XIRP2: variants seen among roughly 807,000 people sequenced by gnomAD.
The protein encoded by XIRP2 is xin actin binding repeat containing 2.
A neutral mutation model predicts 277.0 loss-of-function variants in XIRP2; 236 were observed. The observed-to-expected ratio is 0.85, with a 90% CI of 0.77 to 0.95. The LOEUF is 0.95. Ranked by LOEUF, XIRP2 falls within the 40% of genes least tolerant of loss-of-function variation. The probability of loss-of-function intolerance (pLI) is 0.00; values close to 1 mark genes in which losing one functional copy is unlikely to be tolerated. For synonymous variants in XIRP2, 1,490 were observed against 1,416.5 expected (o/e 1.05, Z -1.17); for missense variants, 4,640 against 4,157.5 (o/e 1.12, Z -3.19).
chr2:166,943,717 G>A (rs1685782103), intron 2 of XIRP2, among the ~76,000 whole-genome samples: 1 of 152,242 alleles, frequency 6.6e-6, no homozygotes, highest in African/African-American at 2.4e-5. Context: ...TATATGCCCT[G>A]TATGGAAGCA....
intron 2 of XIRP2, among the ~76,000 whole-genome samples, chr2:167,032,275 C>T (rs996376725): frequency 1.3e-5 from 2 of 152,092 alleles, no homozygotes; most frequent in African/African-American, 4.8e-5. Context: ...AACTGGACCC[C>T]TTCCTTACAC....
In XIRP2 at chr2:167,214,226, G is replaced by GAGGGAGGGAGGAAGGAAGGA. The variant is rs1323240476; in HGVS notation, c.723+3334_723+3335insGAGGGAGGAAGGAAGGAAGG. Reference sequence around the variant, plus strand: ...AAAGAGAGGGAGGGAGGGAGGGAGGGAGGAAGGAAGGAAGGAAGGAAGGAA... The same window carrying GAGGGAGGGAGGAAGGAAGGA: ...AAAGAGAGGGAGGGAGGGAGGGAGGGAGGGAGGGAGGAAGGAAGGAAGGAAGGAAGGAAGGAAGGAAGGAA... On this transcript the variant is annotated intron_variant, in intron 4 of 10. Coordinates refer to ENST00000409195, the MANE Select transcript of XIRP2 (RefSeq NM_152381.6). Among the ~76,000 whole-genome samples the GAGGGAGGGAGGAAGGAAGGA allele has an allele frequency of 4.9e-4, 33 of 67,330 alleles. 4 individuals are homozygous for GAGGGAGGGAGGAAGGAAGGA. Among genetic ancestry groups the GAGGGAGGGAGGAAGGAAGGA allele is most frequent in the African/African-American group, 2.5e-3 (25 of 10,086 alleles). The allele number at this position is 67,330 out of a possible 152,430, so 44.2% of individuals were successfully genotyped here. A position where few individuals can be genotyped will look rare whatever the true frequency, so the allele number is the denominator to read the frequency against.
At chr2:166,984,218 T>C (rs537909709) in intron 2 of XIRP2, among the ~76,000 whole-genome samples, 24 of 152,310 alleles carry the variant, frequency 1.6e-4, no homozygotes, top group African/African-American at 5.5e-4. Context: ...ACAGGGAAAT[T>C]ATTCTACCAA....
intron 3 of XIRP2, among the ~76,000 whole-genome samples, chr2:167,163,398 G>A (rs1299421563): frequency 6.6e-6 from 1 of 152,110 alleles, no homozygotes. Context: ...GTTTTAATTA[G>A]CATTTTCCTG....
At chr2:167,151,446 A>G (rs1692013106) in intron 3 of XIRP2, among the ~76,000 whole-genome samples, 1 of 152,150 alleles carries the variant, frequency 6.6e-6, no homozygotes, top group African/African-American at 2.4e-5. Context: ...TTACCCCCAG[A>G]TCTGTTTTCA....
chr2:167,161,875 T>G (rs540886975), intron 3 of XIRP2, among the ~76,000 whole-genome samples: 1 of 152,336 alleles, frequency 6.6e-6, no homozygotes, highest in South Asian at 2.1e-4. Context: ...TATGCTCTGC[T>G]TCCCTTATAA....
chr2:166,951,744 C>T (rs1466250897), intron 2 of XIRP2, among the ~76,000 whole-genome samples: 1 of 152,002 alleles, frequency 6.6e-6, no homozygotes, highest in African/African-American at 2.4e-5. Context: ...AATCTAGCCC[C>T]AACCTAGCTT....
chr2:167,232,807 A>C (rs766841557), intron 5 of XIRP2, among the ~76,000 whole-genome samples: 45 of 151,902 alleles, frequency 3.0e-4, no homozygotes, highest in Non-Finnish European at 5.2e-4. Flanking sequence ...TTCCAAGAAA[A>C]GTGAGCAAAT....
chr2:166,925,622 T>C (rs866096918), intron 2 of XIRP2, among the ~76,000 whole-genome samples: 2 of 133,962 alleles, frequency 1.5e-5, no homozygotes, highest in African/African-American at 2.9e-5. Flanking sequence ...TATATATATA[T>C]ATATACATAT....
chr2:166,903,795 C>A lies in XIRP2; in HGVS notation c.313C>A (p.Arg105Ser), dbSNP rs780403837. The change falls in exon 2 of 11, where the codon CGC becomes AGC. Residue 105 changes from arginine to serine, a missense_variant. Physicochemically the swap from Arg to Ser is moderately radical, Grantham distance 110. Coordinates refer to ENST00000409195, the MANE Select transcript of XIRP2 (RefSeq NM_152381.6). ...VLKEDSLSSRRRIERFSIALD... is the reference protein window; with the variant it reads ...VLKEDSLSSRSRIERFSIALD... ...GAAGGAGGATTCCCTGAGCAGTCGG[C>A]GCAGGATTGAACGCTTTTCCATTGC... The A allele has an allele frequency of 3.1e-6, 5 of 1,613,558 alleles. No homozygotes were observed. Among genetic ancestry groups the A allele is most frequent in the Non-Finnish European group, 4.2e-6 (5 of 1,179,744 alleles).
intron 2 of XIRP2, among the ~76,000 whole-genome samples, chr2:167,082,289 G>A (rs1266566093): frequency 6.6e-6 from 1 of 152,062 alleles, no homozygotes; most frequent in African/African-American, 2.4e-5. Flanking sequence ...CCTTTTTTAT[G>A]GCTGCATAGT....
intron 2 of XIRP2, among the ~76,000 whole-genome samples, chr2:167,027,292 A>T (rs1322237194): frequency 6.6e-6 from 1 of 152,004 alleles, no homozygotes; most frequent in Non-Finnish European, 1.5e-5. Context: ...CCAGTTTATC[A>T]CATCAGCTCC....
chr2:167,251,059 C>G lies in XIRP2; in HGVS notation c.9667C>G (p.Arg3223Gly), dbSNP rs371935411. 1 of 1,613,574 alleles carries G rather than the reference C, an allele frequency of 6.2e-7. No homozygotes were observed. Among genetic ancestry groups the G allele is most frequent in the Admixed American group, 1.7e-5 (1 of 59,964 alleles). ...CATCATGTCTCCTGCAACACTTCGT[C>G]GTCAAATTAAGATAGAAACTCGTGG... ...EIIMSPATLRRQIKIETRGRD... is the reference protein window; with the variant it reads ...EIIMSPATLRGQIKIETRGRD... The change falls in exon 9 of 11, where the codon CGT (arginine) becomes GGT (glycine). Residue 3223 changes from arginine (R) to glycine (G), a missense_variant. Arg to Gly is a moderately radical substitution (Grantham distance 125, BLOSUM62 -2). Transcript: ENST00000409195.
Position 167,251,929 on chromosome 2 carries a change from G to C in XIRP2, c.10537G>C (p.Glu3513Gln). The C allele has an allele frequency of 6.4e-7, 1 of 1,558,058 alleles. No homozygotes were observed. Among genetic ancestry groups the C allele is most frequent in the Non-Finnish European group, 8.6e-7 (1 of 1,158,822 alleles). Residue 3513 changes from glutamate to glutamine, a missense_variant, in exon 9 of 11, where the codon GAA becomes CAA. By Grantham distance (29) the Glu-to-Gln change is conservative (BLOSUM62 2). Transcript: ENST00000409195. ...TGAGATGAGAACCACCTTCCAAGAG[G>C]AATCTGCATTTATAAGTGGTAAATG... ...ATEMRTTFQE[E>Q]SAFISEAAAP...
intron 2 of XIRP2, among the ~76,000 whole-genome samples, chr2:167,099,508 G>T (rs1288456130): frequency 2.6e-5 from 4 of 152,076 alleles, no homozygotes; most frequent in African/African-American, 9.7e-5. Context: ...CCCCTTTCCA[G>T]GAGAGTGAAC....
Position 167,249,569 on chromosome 2 carries a change from A to G in XIRP2, c.8177A>G (p.Asp2726Gly). The change falls in exon 9 of 11, where the codon GAC (aspartate) becomes GGC (glycine). Residue 2726 changes from aspartate (D) to glycine (G), a missense_variant. Transcript: ENST00000409195. The stretch of plus-strand genomic sequence containing the variant: ...CTAGATCATACATTAAATGAAACAG[A>G]CCACAGCTATGAAAGTCATAAACAG... The part of the protein sequence containing the change: ...PTLDHTLNET[D>G]HSYESHKQQS... 6.2e-7 allele frequency: 1 copy of G among 1,613,678 alleles called. No individual in the cohort carries two copies. Among genetic ancestry groups the G allele is most frequent in the African/African-American group, 1.3e-5 (1 of 74,998 alleles).
chr2:167,073,773 C>T (rs1689494782), intron 2 of XIRP2, among the ~76,000 whole-genome samples: 1 of 152,062 alleles, frequency 6.6e-6, no homozygotes, highest in Admixed American at 6.5e-5. Context: ...CTAGAGGGGC[C>T]AGTTTTCTCT....
intron 2 of XIRP2, among the ~76,000 whole-genome samples, chr2:167,090,937 G>A (rs1690127844): frequency 6.6e-6 from 1 of 152,022 alleles, no homozygotes; most frequent in African/African-American, 2.4e-5. Flanking sequence ...CATGAGCTTT[G>A]GTGAGGACAA....
intron 2 of XIRP2, among the ~76,000 whole-genome samples, chr2:166,958,879 CATGGA>C (rs1265128046): frequency 6.6e-6 from 1 of 151,716 alleles, no homozygotes; most frequent in Non-Finnish European, 1.5e-5. Flanking sequence ...ATTATGTATT[CATGGA>C]ATTTCAATGG....
Sources: gnomAD v4.1 joint callset for allele counts (sites outside exome capture counted in the v4.1 genomes callset) on GRCh38, gnomAD v4.1.1 for gene constraint, MANE v1.5 for transcripts, NCBI Gene and HGNC (gene_info 2026-07-23, HGNC 2026-07-21) for gene names.